RBFOX1: variants seen among roughly 807,000 people sequenced by gnomAD.
RBFOX1 encodes RNA binding fox-1 homolog 1, also known as RNA binding protein fox-1 homolog 1.
In RBFOX1, 8 loss-of-function variants were observed where a neutral mutation model predicts 57.7. The ratio of observed to expected loss-of-function variants is 0.14; its 90% CI spans 0.08 to 0.25. The LOEUF (loss-of-function observed/expected upper bound fraction) is 0.25, where lower values mean the gene tolerates loss of function less well. Ranked by LOEUF, RBFOX1 falls within the 10% of genes least tolerant of loss-of-function variation. RBFOX1 has a pLI of 1.00. For missense variants in RBFOX1, 611 were observed against 548.5 expected, an observed-to-expected ratio of 1.11 and a Z score of -1.14; for synonymous variants, 326 against 222.4, an observed-to-expected ratio of 1.47 and a Z score of -4.15.
chr16:5,802,689 G>A (rs1282542874), intron 3 of RBFOX1, among the ~76,000 whole-genome samples: 1 of 152,184 alleles, frequency 6.6e-6, no homozygotes, highest in Non-Finnish European at 1.5e-5. Flanking sequence ...ACGATAGCTT[G>A]TTTTGTTCTG....
chr16:6,838,484 C>G (rs1166502291), intron 3 of RBFOX1, among the ~76,000 whole-genome samples: 1 of 152,176 alleles, frequency 6.6e-6, no homozygotes, highest in African/African-American at 2.4e-5. Context: ...TAACCTGCCC[C>G]TTAATTTGCA....
chr16:5,430,862 A>G (rs184863377), intron 1 of RBFOX1, among the ~76,000 whole-genome samples: 11 of 152,228 alleles, frequency 7.2e-5, no homozygotes, highest in African/African-American at 2.7e-4. Flanking sequence ...CATAGCCTCC[A>G]AAGAAGTTTT....
At chr16:7,013,912 C>T (rs535709657) in intron 3 of RBFOX1, among the ~76,000 whole-genome samples, 8 of 152,292 alleles carry the variant, frequency 5.3e-5, no homozygotes, top group Non-Finnish European at 8.8e-5. Flanking sequence ...CCTGCCTCAG[C>T]CTCCCAAAGG....
At chr16:6,704,305 C>G (rs1297824650) in intron 3 of RBFOX1, 1 of 152,182 alleles carries the variant, frequency 6.6e-6, no homozygotes, top group Non-Finnish European at 1.5e-5. Context: ...ACCTCTTGAG[C>G]TAAAACAGAA....
At chr16:7,336,989 C>T (rs1021897172) in intron 4 of RBFOX1, among the ~76,000 whole-genome samples, 2 of 152,188 alleles carry the variant, frequency 1.3e-5, no homozygotes, top group Non-Finnish European at 1.5e-5. Context: ...GAGGGCTTTA[C>T]ATAATCAGCA....
chr16:6,570,771 G>A (rs568060628), intron 2 of RBFOX1, among the ~76,000 whole-genome samples: 3 of 152,114 alleles, frequency 2.0e-5, no homozygotes, highest in Admixed American at 6.5e-5. Context: ...GTTTAAGTGT[G>A]GAAATAGCTA....
At chr16:6,584,972 A>G (rs1247762802) in intron 2 of RBFOX1, among the ~76,000 whole-genome samples, 1 of 152,202 alleles carries the variant, frequency 6.6e-6, no homozygotes, top group East Asian at 1.9e-4. Flanking sequence ...ATAAAGGGGA[A>G]TCAGGCAAAA....
At chr16:6,372,908 G>A (rs984827039) in intron 2 of RBFOX1, among the ~76,000 whole-genome samples, 4 of 141,028 alleles carry the variant, frequency 2.8e-5, no homozygotes, top group South Asian at 4.6e-4. Context: ...GGATGGAAGC[G>A]TAGTTGGTTA....
At chr16:7,067,772 G>A (rs1267488052) in intron 4 of RBFOX1, among the ~76,000 whole-genome samples, 1 of 145,722 alleles carries the variant, frequency 6.9e-6, no homozygotes, top group East Asian at 2.1e-4. Context: ...ACCTATGAGT[G>A]AGAATATGTG....
Position 6,000,637 on chromosome 16 carries a change from G to T in RBFOX1, c.351+133302G>T, listed in dbSNP as rs536737818. ...AAATATTTGTTGAATGGATGGATAG[G>T]TGGATGGATGAAAGGGTAGGTGGAT... On this transcript the variant is annotated intron_variant, in intron 4 of 19. Transcript: ENST00000641259. Among the ~76,000 whole-genome samples, 6 of 152,156 alleles carry T rather than the reference G, an allele frequency of 3.9e-5. No homozygotes were observed. The South Asian group carries it at 1.2e-3, about 32-fold the overall frequency.
At chr16:6,958,682 G>T (rs888455640) in intron 3 of RBFOX1, among the ~76,000 whole-genome samples, 1 of 152,110 alleles carries the variant, frequency 6.6e-6, no homozygotes, top group African/African-American at 2.4e-5. Context: ...ATTTCTAATT[G>T]GGGTCACATG....
chr16:5,785,602 A>C (rs536113402), intron 3 of RBFOX1, among the ~76,000 whole-genome samples: 2 of 151,886 alleles, frequency 1.3e-5, no homozygotes, highest in East Asian at 3.9e-4. Flanking sequence ...ATCTTGGCTC[A>C]CTGCAACCTC....
At chr16:6,978,589 A>G (rs1347375684) in intron 3 of RBFOX1, among the ~76,000 whole-genome samples, 1 of 152,146 alleles carries the variant, frequency 6.6e-6, no homozygotes, top group Non-Finnish European at 1.5e-5. Flanking sequence ...TATTCTGGGT[A>G]TTACCAGGTT....
chr16:7,560,650 T>C (rs1438086798), intron 5 of RBFOX1, among the ~76,000 whole-genome samples: 1 of 152,154 alleles, frequency 6.6e-6, no homozygotes, highest in Non-Finnish European at 1.5e-5. Context: ...CCTTCCTTTT[T>C]CATAAATTGA....
intron 4 of RBFOX1, among the ~76,000 whole-genome samples, chr16:7,343,553 C>T (rs775808272): frequency 4.6e-5 from 7 of 152,164 alleles, no homozygotes. Flanking sequence ...GAAGCAAATG[C>T]CAACTGGGAC....
chr16:5,497,280 C>G (rs2043031050), intron 2 of RBFOX1, among the ~76,000 whole-genome samples: 1 of 151,116 alleles, frequency 6.6e-6, no homozygotes, highest in Non-Finnish European at 1.5e-5. Context: ...ATAACACAAG[C>G]ACTTCTCTCA....
At chr16:5,899,553 A>G (rs2152176485) in intron 4 of RBFOX1, among the ~76,000 whole-genome samples, 1 of 152,330 alleles carries the variant, frequency 6.6e-6, no homozygotes, top group South Asian at 2.1e-4. Flanking sequence ...GGTTTCACAG[A>G]GCAAACTGAA....
intron 13 of RBFOX1, among the ~76,000 whole-genome samples, chr16:7,669,641 C>T (rs2070719593): frequency 6.6e-6 from 1 of 152,122 alleles, no homozygotes; most frequent in Admixed American, 6.5e-5. Context: ...AACACCATGG[C>T]TAAACACAAT....
intron 3 of RBFOX1, among the ~76,000 whole-genome samples, chr16:7,037,413 C>G (rs970728973): frequency 6.6e-6 from 1 of 151,702 alleles, no homozygotes; most frequent in Non-Finnish European, 1.5e-5. Flanking sequence ...GAGGTCTTAG[C>G]TTCATTTTAC....
Sources: gnomAD v4.1 joint callset for allele counts (sites outside exome capture counted in the v4.1 genomes callset) on GRCh38, gnomAD v4.1.1 for gene constraint, MANE v1.5 for transcripts, NCBI Gene and HGNC (gene_info 2026-07-23, HGNC 2026-07-21) for gene names.